Variants in PDCD4 observed in about 807,000 individuals in gnomAD.
PDCD4 encodes the protein programmed cell death 4.
In PDCD4, 56 loss-of-function variants were observed where a neutral mutation model predicts 54.0. The ratio of observed to expected loss-of-function variants is 1.04; its 90% CI spans 0.84 to 1.30. The LOEUF (loss-of-function observed/expected upper bound fraction) is 1.30, where lower values mean the gene tolerates loss of function less well. Among genes scored for constraint, PDCD4 ranks in the 50% most tolerant of loss-of-function variants. The pLI is 0.00. For synonymous variants in PDCD4, 186 were observed against 194.8 expected (o/e 0.95, Z 0.37); for missense variants, 584 against 559.8 (o/e 1.04, Z -0.44).
chr10:110,891,682 G>T (rs1444630047), intron 8 of PDCD4, among the ~76,000 whole-genome samples: 1 of 152,086 alleles, frequency 6.6e-6, no homozygotes, highest in East Asian at 1.9e-4. Flanking sequence ...TTGTGTATGT[G>T]TATCTAGCTT....
chr10:110,894,372 A>G, intron 9 of PDCD4, 40 bp from the exon 10 acceptor site: 1 of 1,111,312 alleles, frequency 9.0e-7, no homozygotes. Context: ...AGTTTCATAT[A>G]TGAATTAACC....
Position 110,881,223 on chromosome 10 carries a change from T to C in PDCD4, c.44-10T>C, listed in dbSNP as rs754072920. 43 of 1,590,730 alleles carry C rather than the reference T, an allele frequency of 2.7e-5. 1 individual carries two copies. The highest frequency in any genetic ancestry group is 3.6e-5 in the Non-Finnish European group (42 of 1,168,958). On this transcript the variant is annotated splice_polypyrimidine_tract_variant and intron_variant, in intron 2 of 11. Coordinates refer to ENST00000280154, the MANE Select transcript of PDCD4 (RefSeq NM_014456.5). ...TACTTAGAATTTTTTTCTTCATTTT[T>C]CTCTTTAAGATCCTGATAACTTAAG...
intron 5 of PDCD4, among the ~76,000 whole-genome samples, chr10:110,886,764 T>C (rs1355948906): frequency 2.0e-5 from 3 of 152,170 alleles, no homozygotes; most frequent in African/African-American, 7.2e-5. Context: ...GAGGCTATTA[T>C]AATGCCTGAT....
intron 4 of PDCD4, chr10:110,885,004 C>A: frequency 3.5e-6 from 1 of 287,936 alleles, no homozygotes; most frequent in Non-Finnish European, 6.4e-6. Context: ...CTATGTTTCC[C>A]AGGCTAGTAT....
intron 1 of PDCD4, among the ~76,000 whole-genome samples, chr10:110,873,674 T>G (rs1322510826): frequency 1.3e-5 from 2 of 152,196 alleles, no homozygotes; most frequent in African/African-American, 4.8e-5. Flanking sequence ...TTTGGGCCAA[T>G]TAAGGGTTGT....
At chr10:110,883,237 C>T (rs1845619125) in intron 4 of PDCD4, 140 bp downstream of exon 4, 1 of 582,730 alleles carries the variant, frequency 1.7e-6, no homozygotes, top group East Asian at 3.5e-5. Context: ...GACAGTAATA[C>T]ATGCATAACT....
intron 3 of PDCD4, among the ~76,000 whole-genome samples, chr10:110,882,475 A>G (rs1192694991): frequency 6.6e-6 from 1 of 152,184 alleles, no homozygotes; most frequent in East Asian, 1.9e-4. Flanking sequence ...AGCAGTTAGA[A>G]TTCTTTTCTA....
At chr10:110,884,446 C>G (rs1845638370) in intron 4 of PDCD4, among the ~76,000 whole-genome samples, 1 of 152,068 alleles carries the variant, frequency 6.6e-6, no homozygotes, top group Non-Finnish European at 1.5e-5. Flanking sequence ...TTCAATTGAA[C>G]AGTGCTTTTT....
At position 110,887,665 on chromosome 10, in the gene PDCD4, G is replaced by A. The variant is rs2135208867; in HGVS notation, c.556G>A (p.Glu186Lys). Residue 186 changes from glutamate (E) to lysine (K), a missense_variant and splice_region_variant, in exon 6 of 12, where the codon GAA (glutamate) becomes AAA (lysine). Coordinates refer to ENST00000280154, the MANE Select transcript of PDCD4 (RefSeq NM_014456.5). ...FEHGDTNEVA[E>K]MLRDLNLGEM... is the part of the protein sequence containing the mutation. The stretch of plus-strand genomic sequence containing the variant: ...GTTTTTAAATTATTTTTTTGAACAG[G>A]AAATGTTAAGAGATTTAAATCTTGG... 1 of 1,599,230 alleles carries A rather than the reference G, an allele frequency of 6.3e-7. No homozygotes were observed. Among genetic ancestry groups the A allele is most frequent in the Non-Finnish European group, 8.6e-7 (1 of 1,168,574 alleles).
chr10:110,890,778 A>G, intron 8 of PDCD4, 108 bp downstream of exon 8: 1 of 513,178 alleles, frequency 1.9e-6, no homozygotes, highest in Non-Finnish European at 3.4e-6. Context: ...GTTCGGTCTT[A>G]CAGCTGCAAT....
chr10:110,873,828 AT>A (rs918880836), intron 1 of PDCD4, among the ~76,000 whole-genome samples: 6 of 151,994 alleles, frequency 3.9e-5, no homozygotes, highest in Non-Finnish European at 8.8e-5. Flanking sequence ...ACACAGGACT[AT>A]TTTTTTTATT....
chr10:110,897,911 G>A, intron 11 of PDCD4, 117 bp from the exon 12 acceptor site: 1 of 541,008 alleles, frequency 1.8e-6, no homozygotes, highest in Non-Finnish European at 3.1e-6. Context: ...TTTTTTAATG[G>A]AAAACCCTTT....
At position 110,898,746 on chromosome 10, in the gene PDCD4, CTTTA is replaced by C. The variant is rs1268710457; in HGVS notation, c.*661_*664del. 1.3e-5 allele frequency: 2 copies of C among 152,510 alleles called. No individual in the cohort carries two copies. The highest frequency in any genetic ancestry group is 4.8e-5 in the African/African-American group (2 of 41,408). The allele number at this position is 152,510 out of a possible 1,614,324, so 9.4% of individuals were successfully genotyped here. A position where few individuals can be genotyped will look rare whatever the true frequency, so the allele number is the denominator to read the frequency against. ...TAAAACATGTGAAGCAGTATTGATT[CTTTA>C]TTGGGAGTACATTTTTTTAGGTCTC... On this transcript the variant is annotated 3_prime_UTR_variant, in exon 12 of 12. Coordinates refer to ENST00000280154, the MANE Select transcript of PDCD4 (RefSeq NM_014456.5).
chr10:110,877,022 CAT>C (rs900235742), intron 2 of PDCD4, among the ~76,000 whole-genome samples: 2 of 152,222 alleles, frequency 1.3e-5, no homozygotes, highest in Middle Eastern at 3.4e-3. Context: ...TCTGAACAAA[CAT>C]GTTGAATTTG....
rs201019458 is a variant in PDCD4, at chr10:110,881,300, G to A, written c.111G>A (p.Lys37=). The A allele has an allele frequency of 4.0e-5, 64 of 1,613,642 alleles. No individual in the cohort carries two copies. In the East Asian group the frequency reaches 1.4e-3, roughly 35 times the overall value. Reference sequence around the variant, plus strand: ...AAAATGCTGGGACTGAGGAAATAAAGAATGAAATAAATGGAAATTGGATTT... The same window carrying A: ...AAAATGCTGGGACTGAGGAAATAAAAAATGAAATAAATGGAAATTGGATTT... The part of the protein sequence containing the change: ...DEENAGTEEI[K]NEINGNWISA... The change falls in exon 3 of 12, where the codon AAG becomes AAA. Residue 37 remains lysine (K), a synonymous_variant. Coordinates refer to ENST00000280154, the MANE Select transcript of PDCD4 (RefSeq NM_014456.5).
At chr10:110,889,969 A>T (rs1845731118) in intron 7 of PDCD4, among the ~76,000 whole-genome samples, 2 of 152,214 alleles carry the variant, frequency 1.3e-5, no homozygotes, top group African/African-American at 4.8e-5. Context: ...TAATATTCTA[A>T]TAAGATGGAT....
intron 3 of PDCD4, among the ~76,000 whole-genome samples, chr10:110,882,319 T>A (rs1016533936): frequency 1.3e-5 from 2 of 152,210 alleles, no homozygotes; most frequent in Non-Finnish European, 2.9e-5. Context: ...TTGTAAAGGT[T>A]CTTTAAAAAA....
At chr10:110,895,043 C>G (rs1845811003) in intron 10 of PDCD4, among the ~76,000 whole-genome samples, 2 of 151,770 alleles carry the variant, frequency 1.3e-5, no homozygotes, top group East Asian at 3.9e-4. Context: ...AATTTTTTAG[C>G]TATGTAACCA....
At chr10:110,875,408 C>T (rs1222838161) in intron 1 of PDCD4, among the ~76,000 whole-genome samples, 3 of 151,982 alleles carry the variant, frequency 2.0e-5, no homozygotes, top group African/African-American at 7.2e-5. Flanking sequence ...AAAGTTTCTC[C>T]CAAAGTCTTA....
Sources: gnomAD v4.1 joint callset for allele counts (sites outside exome capture counted in the v4.1 genomes callset) on GRCh38, gnomAD v4.1.1 for gene constraint, MANE v1.5 for transcripts, NCBI Gene and HGNC (gene_info 2026-07-23, HGNC 2026-07-21) for gene names.